Variants in OR2L13 observed in about 807,000 individuals in gnomAD.
The protein encoded by OR2L13 is olfactory receptor family 2 subfamily L member 13.
In OR2L13, 14 loss-of-function variants were observed where a neutral mutation model predicts 15.3. The ratio of observed to expected loss-of-function variants is 0.91; its 90% confidence interval spans 0.60 to 1.43. The LOEUF (loss-of-function observed/expected upper bound fraction) is 1.43. OR2L13 is among the 40% of genes most tolerant of loss of function. OR2L13 has a pLI of 0.00. For synonymous variants in OR2L13, 152 were observed against 142.9 expected, an observed-to-expected ratio of 1.06 and a Z score of -0.45; for missense variants, 367 against 387.9, an observed-to-expected ratio of 0.95 and a Z score of 0.45.
chr1:248,020,938 C>G, the OR2L13 span, among the ~76,000 whole-genome samples: 2 of 151,432 alleles, frequency 1.3e-5, no homozygotes, highest in African/African-American at 4.8e-5. Context: ...AATTATTATG[C>G]AAAGACAATT....
At chr1:248,031,921 C>T in the OR2L13 span, among the ~76,000 whole-genome samples, 3 of 152,008 alleles carry the variant, frequency 2.0e-5, no homozygotes, top group South Asian at 2.1e-4. Context: ...TACTTTTCCT[C>T]TTTTTAAAAG....
chr1:248,003,996 A>G, the OR2L13 span: 2 of 1,613,882 alleles, frequency 1.2e-6, no homozygotes, highest in East Asian at 2.2e-5. Context: ...CCCATCATCT[A>G]TAGCCTGAGG....
the OR2L13 span, chr1:248,023,927 A>T: frequency 6.6e-6 from 1 of 152,238 alleles, no homozygotes; most frequent in Non-Finnish European, 1.5e-5. Flanking sequence ...GTTGCTCTCA[A>T]ATAGAATAAT....
the OR2L13 span, among the ~76,000 whole-genome samples, chr1:248,018,103 C>T: frequency 1.1e-4 from 17 of 148,874 alleles, no homozygotes; most frequent in Non-Finnish European, 2.4e-4. Flanking sequence ...TGCAGTGAGC[C>T]GAGATCACAC....
the OR2L13 span, among the ~76,000 whole-genome samples, chr1:248,074,949 T>G: frequency 6.6e-6 from 1 of 152,210 alleles, no homozygotes; most frequent in African/African-American, 2.4e-5. Context: ...GGTATACATG[T>G]GCCATGTTGG....
At chr1:247,948,760 C>T in the OR2L13 span, 1 of 970,166 alleles carries the variant, frequency 1.0e-6, no homozygotes, top group Non-Finnish European at 1.6e-6. Flanking sequence ...CAAACATCCA[C>T]TGGGGGGGCT....
At chr1:247,965,859 G>A in the OR2L13 span, 14 of 1,613,782 alleles carry the variant, frequency 8.7e-6, no homozygotes, top group Non-Finnish European at 1.1e-5. Flanking sequence ...TACATACATT[G>A]TATGTGTTTC....
At chr1:248,066,494 A>G in the OR2L13 span, among the ~76,000 whole-genome samples, 1 of 152,212 alleles carries the variant, frequency 6.6e-6, no homozygotes, top group African/African-American at 2.4e-5. Flanking sequence ...TATCTTATCA[A>G]TCACTGAATA....
At chr1:247,966,818 C>G in the OR2L13 span, among the ~76,000 whole-genome samples, 1 of 152,020 alleles carries the variant, frequency 6.6e-6, no homozygotes, top group East Asian at 1.9e-4. Context: ...TTAAGAAAAT[C>G]CAGTGATTGA....
At chr1:248,055,390 CA>C in the OR2L13 span, among the ~76,000 whole-genome samples, 1 of 152,004 alleles carries the variant, frequency 6.6e-6, no homozygotes, top group South Asian at 2.1e-4. Flanking sequence ...GGGATATTGG[CA>C]CAAAGTTTTC....
the OR2L13 span, among the ~76,000 whole-genome samples, chr1:248,027,188 C>A: frequency 1.3e-5 from 2 of 152,146 alleles, no homozygotes; most frequent in Non-Finnish European, 2.9e-5. Context: ...AGATAAGGGA[C>A]GAAATAAGCC....
At chr1:248,055,686 G>A in the OR2L13 span, 1 of 152,372 alleles carries the variant, frequency 6.6e-6, no homozygotes, top group South Asian at 2.1e-4. Flanking sequence ...AAACCCAGGA[G>A]GCGAAGGTCG....
At chr1:247,962,491 A>G in the OR2L13 span, among the ~76,000 whole-genome samples, 1 of 152,356 alleles carries the variant, frequency 6.6e-6, no homozygotes, top group Admixed American at 6.5e-5. Context: ...TTTTATCACA[A>G]GTTAGAGTTA....
At chr1:247,973,097 C>T in the OR2L13 span, among the ~76,000 whole-genome samples, 2 of 152,146 alleles carry the variant, frequency 1.3e-5, no homozygotes, top group African/African-American at 2.4e-5. Context: ...TAAAAACACT[C>T]AATAAATTAG....
At chr1:247,956,468 C>A in the OR2L13 span, among the ~76,000 whole-genome samples, 1 of 150,806 alleles carries the variant, frequency 6.6e-6, no homozygotes, top group African/African-American at 2.4e-5. Flanking sequence ...TAGTTTTTTC[C>A]AATTCTGTGA....
chr1:248,077,615 ATCTT>A, the OR2L13 span, among the ~76,000 whole-genome samples: 1 of 151,932 alleles, frequency 6.6e-6, no homozygotes, highest in Non-Finnish European at 1.5e-5. Flanking sequence ...ATAGAAGAAA[ATCTT>A]TATGACTTGG....
chr1:248,064,766 T>C, the OR2L13 span, among the ~76,000 whole-genome samples: 3 of 152,216 alleles, frequency 2.0e-5, no homozygotes, highest in Admixed American at 6.5e-5. Context: ...AATGGCATCA[T>C]TGAAGTCCCA....
At chr1:248,029,319 A>G in the OR2L13 span, 2 of 152,308 alleles carry the variant, frequency 1.3e-5, no homozygotes, top group East Asian at 3.9e-4. Context: ...AAATTCAAAT[A>G]CTTTTAAAAC....
chr1:247,966,571 A>C, the OR2L13 span, among the ~76,000 whole-genome samples: 3 of 152,230 alleles, frequency 2.0e-5, no homozygotes, highest in Non-Finnish European at 4.4e-5. Context: ...TAAACATTTA[A>C]CCTCAAGATA....
Sources: gnomAD v4.1 joint callset for allele counts (sites outside exome capture counted in the v4.1 genomes callset) on GRCh38, gnomAD v4.1.1 for gene constraint, MANE v1.5 for transcripts, NCBI Gene and HGNC (gene_info 2026-07-23, HGNC 2026-07-21) for gene names.